The following XPR1 variants were observed in gnomAD, a reference collection of about 807,000 sequenced individuals.
XPR1 encodes the protein xenotropic and polytropic retrovirus receptor 1, also known as solute carrier family 53 member 1.
A neutral mutation model predicts 87.5 loss-of-function variants in XPR1; 28 were observed. The ratio of observed to expected loss-of-function variants is 0.32; its 90% CI spans 0.24 to 0.44. The LOEUF is 0.44. Ranked by LOEUF, XPR1 falls within the 20% of genes least tolerant of loss-of-function variation. The probability of loss-of-function intolerance (pLI) is 1.00; values close to 1 mark genes in which losing one functional copy is unlikely to be tolerated. For synonymous variants in XPR1, 300 were observed against 306.1 expected (o/e 0.98, Z 0.21); for missense variants, 559 against 862.3 (o/e 0.65, Z 4.41).
At chr1:180,877,325 G>A (rs1034940620) in intron 13 of XPR1, among the ~76,000 whole-genome samples, 1 of 152,176 alleles carries the variant, frequency 6.6e-6, no homozygotes, top group Non-Finnish European at 1.5e-5. Context: ...GTTGGTGAAA[G>A]GATAGACAAT....
intron 11 of XPR1, among the ~76,000 whole-genome samples, chr1:180,840,529 T>A (rs1352725246): frequency 9.0e-6 from 1 of 111,316 alleles, no homozygotes; most frequent in East Asian, 2.4e-4. Context: ...CAGGTTAACA[T>A]ATTTGTGTGT....
intron 11 of XPR1, among the ~76,000 whole-genome samples, chr1:180,853,693 T>A (rs1207819665): frequency 6.6e-6 from 1 of 150,388 alleles, no homozygotes; most frequent in East Asian, 2.0e-4. Flanking sequence ...ATCCTTTGGA[T>A]TGAGAACATT....
chr1:180,757,339 C>G (rs1397457392), intron 2 of XPR1, among the ~76,000 whole-genome samples: 2 of 152,064 alleles, frequency 1.3e-5, no homozygotes, highest in East Asian at 1.9e-4. Context: ...ATCCTTCTGC[C>G]TCTACAATAA....
At chr1:180,655,464 G>A (rs980121270) in intron 1 of XPR1, among the ~76,000 whole-genome samples, 2 of 148,480 alleles carry the variant, frequency 1.3e-5, no homozygotes, top group Non-Finnish European at 3.0e-5. Flanking sequence ...GTGGTGGTGC[G>A]ATCTTGGCTC....
intron 2 of XPR1, among the ~76,000 whole-genome samples, chr1:180,787,363 G>A (rs891715524): frequency 6.6e-6 from 1 of 151,322 alleles, no homozygotes; most frequent in Non-Finnish European, 1.5e-5. Context: ...GTGCAGTGGT[G>A]CAATCTTGGC....
At chr1:180,661,119 A>G (rs1321379220) in intron 1 of XPR1, among the ~76,000 whole-genome samples, 1 of 151,792 alleles carries the variant, frequency 6.6e-6, no homozygotes. Flanking sequence ...CTATTCTTAT[A>G]TTTTTTGTTT....
intron 9 of XPR1, among the ~76,000 whole-genome samples, chr1:180,833,493 C>A (rs1651151338): frequency 1.4e-5 from 2 of 143,010 alleles, no homozygotes; most frequent in South Asian, 2.3e-4. Context: ...ATTTACCAAG[C>A]AAATGTAAAG....
chr1:180,656,403 A>ATTTATATATAAAT (rs1655480183), intron 1 of XPR1, among the ~76,000 whole-genome samples: 1 of 48,006 alleles, frequency 2.1e-5, no homozygotes, highest in Non-Finnish European at 3.6e-5. Flanking sequence ...ATATATAAAT[A>ATTTATATATAAAT]TTTATATATT....
At chr1:180,640,552 C>T (rs1223267831) in intron 1 of XPR1, among the ~76,000 whole-genome samples, 4 of 152,218 alleles carry the variant, frequency 2.6e-5, no homozygotes, top group Admixed American at 2.0e-4. Context: ...CCTGGTCTGA[C>T]CTGTTCTTAG....
intron 2 of XPR1, among the ~76,000 whole-genome samples, chr1:180,771,773 C>T (rs1648524487): frequency 6.6e-6 from 1 of 152,028 alleles, no homozygotes; most frequent in Non-Finnish European, 1.5e-5. Context: ...ATGTTGTGTC[C>T]TTCATAGTGC....
intron 2 of XPR1, among the ~76,000 whole-genome samples, chr1:180,707,731 T>C (rs12063811): frequency 0.032 from 4,797 of 152,264 alleles, 176 homozygotes; most frequent in African/African-American, 0.086. Context: ...AGAAGAGAAG[T>C]GTTGTTTGTT....
chr1:180,796,467 G>A (rs1451578747), intron 3 of XPR1, among the ~76,000 whole-genome samples: 1 of 152,142 alleles, frequency 6.6e-6, no homozygotes, highest in African/African-American at 2.4e-5. Context: ...TTAAGGAAGA[G>A]AGTCATTACT....
At chr1:180,648,657 C>T (rs1357614898) in intron 1 of XPR1, among the ~76,000 whole-genome samples, 1 of 152,106 alleles carries the variant, frequency 6.6e-6, no homozygotes, top group African/African-American at 2.4e-5. Context: ...CAGGTGCACA[C>T]CACCACACTC....
intron 1 of XPR1, among the ~76,000 whole-genome samples, chr1:180,652,066 C>T (rs752879398): frequency 8.5e-5 from 13 of 152,126 alleles, no homozygotes; most frequent in East Asian, 3.9e-4. Flanking sequence ...CCAAGGCGCG[C>T]GGATCACATG....
intron 2 of XPR1, among the ~76,000 whole-genome samples, chr1:180,771,394 T>C (rs762224272): frequency 6.6e-6 from 1 of 152,200 alleles, no homozygotes. Flanking sequence ...AGAGTTCATA[T>C]ATACTCTTTA....
chr1:180,709,856 G>T (rs927557797), intron 2 of XPR1, among the ~76,000 whole-genome samples: 1 of 149,352 alleles, frequency 6.7e-6, no homozygotes, highest in Non-Finnish European at 1.5e-5. Flanking sequence ...TGAAAAATTG[G>T]GTTGTTTTTC....
intron 2 of XPR1, among the ~76,000 whole-genome samples, chr1:180,770,926 A>G (rs1185057903): frequency 6.6e-6 from 1 of 152,050 alleles, no homozygotes; most frequent in African/African-American, 2.4e-5. Flanking sequence ...CCTTCTTTAT[A>G]TCTCAACTGA....
chr1:180,678,508 G>A (rs184566969), intron 1 of XPR1, among the ~76,000 whole-genome samples: 87 of 152,214 alleles, frequency 5.7e-4, no homozygotes, highest in African/African-American at 2.0e-3. Context: ...TACCTCAGTT[G>A]CATTATTGTA....
intron 2 of XPR1, among the ~76,000 whole-genome samples, chr1:180,783,089 G>A (rs1181268388): frequency 6.6e-6 from 1 of 151,946 alleles, no homozygotes; most frequent in Non-Finnish European, 1.5e-5. Context: ...TGAAGTGAAA[G>A]GCTTAATCAT....
Sources: allele counts gnomAD v4.1 joint callset (sites outside exome capture counted in the v4.1 genomes callset), GRCh38; gene constraint gnomAD v4.1.1; transcripts MANE v1.5; gene names NCBI Gene and HGNC (gene_info 2026-07-23, HGNC 2026-07-21).